The following C11orf16 variants were observed in gnomAD, a reference collection of about 807,000 sequenced individuals.
The protein encoded by C11orf16 is chromosome 11 open reading frame 16, also known as uncharacterized protein C11orf16.
A neutral mutation model predicts 45.1 loss-of-function variants in C11orf16; 38 were observed. That is an observed-to-expected ratio of 0.84 (90% CI 0.65 to 1.10). The LOEUF (loss-of-function observed/expected upper bound fraction) is 1.10, where lower values mean the gene tolerates loss of function less well. Ranked by LOEUF, C11orf16 falls within the 50% of genes least tolerant of loss-of-function variation. The pLI is 0.00. For synonymous variants in C11orf16, 221 were observed against 222.0 expected (o/e 1.00, Z 0.04); for missense variants, 583 against 569.5 (o/e 1.02, Z -0.24).
At chr11:8,929,025 A>T in intron 3 of C11orf16, 1 of 229,180 alleles carries the variant, frequency 4.4e-6, no homozygotes, top group Non-Finnish European at 8.6e-6. Flanking sequence ...AAGCTGAGGA[A>T]CACCAAAGCC....
chr11:8,922,080 G>A (rs72852732), intron 5 of C11orf16, among the ~76,000 whole-genome samples: 60 of 152,348 alleles, frequency 3.9e-4, no homozygotes, highest in Non-Finnish European at 7.1e-4. Flanking sequence ...GAAGTTATTG[G>A]ATGTGTCTTC....
Position 8,920,419 on chromosome 11 carries a change from C to T in C11orf16, c.*54G>A, listed in dbSNP as rs115543642. 777 of 681,946 alleles carry T rather than the reference C, an allele frequency of 1.1e-3. 6 individuals carry two copies. In the African/African-American group the frequency reaches 0.013, roughly 11 times the overall value. The allele number at this position is 681,946 out of a possible 1,614,324, so 42.2% of individuals were successfully genotyped here. A position where few individuals can be genotyped will look rare whatever the true frequency, so the allele number is the denominator to read the frequency against. On this transcript the variant is annotated 3_prime_UTR_variant, in exon 7 of 7. Coordinates refer to ENST00000326053, the MANE Select transcript of C11orf16 (RefSeq NM_020643.3). ...GCCTTGTCAGCCACTCTGTATAACT[C>T]TCCTCGAATATTTACCATGTTTATT...
chr11:8,932,443 C>T (rs147626465), intron 1 of C11orf16, 117 bp from the exon 2 acceptor site: 42 of 758,304 alleles, frequency 5.5e-5, no homozygotes, highest in Admixed American at 4.6e-4. Flanking sequence ...AGTCCATGCA[C>T]GGCCCTACCT....
rs1486333046 is a variant in C11orf16 at position 8,932,217 on chromosome 11, G to A, written c.92C>T (p.Pro31Leu). ...LKAPGWDGAA[P>L]PWDLSFTYPF... ...GTAGGTGAAGGAGAGGTCCCAAGGTGGAGCAGCACCGTCCCAGCCAGGGGC... is the reference window on the plus strand; with the variant it reads ...GTAGGTGAAGGAGAGGTCCCAAGGTAGAGCAGCACCGTCCCAGCCAGGGGC... Residue 31 changes from proline to leucine, a missense_variant, in exon 2 of 7, where the codon CCA (proline) becomes CTA (leucine). By Grantham distance (98) the Pro-to-Leu change is moderately conservative (BLOSUM62 -3). Transcript: ENST00000326053. The A allele has an allele frequency of 6.2e-7, 1 of 1,603,602 alleles. No homozygotes were observed. The highest frequency in any genetic ancestry group is 8.5e-7 in the Non-Finnish European group (1 of 1,175,332).
chr11:8,930,202 G>A (rs1205654023), intron 2 of C11orf16, among the ~76,000 whole-genome samples: 1 of 152,036 alleles, frequency 6.6e-6, no homozygotes, highest in East Asian at 1.9e-4. Flanking sequence ...GCCGAGATGG[G>A]CGGATCACGA....
intron 5 of C11orf16, among the ~76,000 whole-genome samples, chr11:8,924,056 T>A (rs2568078): frequency 1.1e-4 from 16 of 151,864 alleles, no homozygotes; most frequent in Non-Finnish European, 2.1e-4. Flanking sequence ...GCTGGGCCTA[T>A]GAGAGATAGG....
At chr11:8,925,059 A>G (rs2064600587) in intron 5 of C11orf16, among the ~76,000 whole-genome samples, 1 of 152,196 alleles carries the variant, frequency 6.6e-6, no homozygotes, top group Non-Finnish European at 1.5e-5. Flanking sequence ...ACCAGTTTCT[A>G]TGCTTCAGTG....
Position 8,926,013 on chromosome 11 carries a change from C to T in C11orf16, c.654G>A (p.Trp218Ter). The change falls in exon 5 of 7, where the codon TGG becomes TGA. Residue 218 changes from tryptophan (W) to a stop codon, truncating the protein, a stop_gained. Transcript: ENST00000326053. LOFTEE classifies it high-confidence loss of function. ...TGTGCAGCCTCTCCACAGCCTTCTT[C>T]CAGATGGTCAGGGACACCGACTGGA... ...GGVQSVSLTI[W>*]KKAVERLHKS... 6.2e-7 allele frequency: 1 copy of T among 1,614,152 alleles called. No individual in the cohort carries two copies. Among genetic ancestry groups the T allele is most frequent in the South Asian group, 1.1e-5 (1 of 91,076 alleles).
chr11:8,927,304 A>G (rs2064621359), intron 3 of C11orf16, 130 bp from the exon 4 acceptor site: 2 of 682,170 alleles, frequency 2.9e-6, no homozygotes, highest in Non-Finnish European at 5.0e-6. Flanking sequence ...GCACCTAAAG[A>G]AGGGACAGGG....
chr11:8,929,989 G>A (rs1371685723), intron 2 of C11orf16, among the ~76,000 whole-genome samples: 2 of 152,064 alleles, frequency 1.3e-5, no homozygotes, highest in African/African-American at 4.8e-5. Flanking sequence ...GTGTGGTGGT[G>A]TGAGCCTGTG....
At chr11:8,928,798 GC>G (rs1413784176) in intron 3 of C11orf16, 2 of 152,612 alleles carry the variant, frequency 1.3e-5, no homozygotes, top group African/African-American at 2.4e-5. Context: ...AACATGCCTT[GC>G]CCCCTGCCAA....
Position 8,930,424 on chromosome 11 carries a change from C to CA in C11orf16, c.168-892dup, listed in dbSNP as rs11303185. Among the ~76,000 whole-genome samples the CA allele has an allele frequency of 1.2e-3, 71 of 58,396 alleles. 1 individual carries two copies. Among genetic ancestry groups the CA allele is most frequent in the African/African-American group, 3.6e-3 (51 of 14,090 alleles). The allele number at this position is 58,396 out of a possible 152,430, so 38.3% of individuals were successfully genotyped here. On this transcript the variant is annotated intron_variant, in intron 2 of 6. Transcript: ENST00000326053. ...CTGGTGACAGAGCGAGACTCTGTCTCAAAAAAAAAAAAAAAAAAAAAAAAA... is the reference window on the plus strand; with the variant it reads ...CTGGTGACAGAGCGAGACTCTGTCTCAAAAAAAAAAAAAAAAAAAAAAAAAA...
intron 5 of C11orf16, among the ~76,000 whole-genome samples, chr11:8,924,461 G>A (rs908704983): frequency 6.6e-6 from 1 of 152,164 alleles, no homozygotes; most frequent in Non-Finnish European, 1.5e-5. Context: ...GGGAGGCAGA[G>A]GTTGCAGTGA....
chr11:8,927,161 C>G lies in C11orf16; in HGVS notation c.338G>C (p.Gly113Ala), dbSNP rs142981797. 7.4e-6 allele frequency: 12 copies of G among 1,613,372 alleles called. No homozygotes were observed. In the African/African-American group the frequency reaches 1.3e-4, roughly 18 times the overall value. Residue 113 changes from glycine to alanine, a missense_variant, in exon 4 of 7, where the codon GGG becomes GCG. Coordinates refer to ENST00000326053, the MANE Select transcript of C11orf16 (RefSeq NM_020643.3). ...IKATPELERQ[G>A]VLLVEFEAPL... ...AGCCTCGAATTCCACAAGCAGGACC[C>G]CCTGTCTCTCCAGCTGTGGGAAAGA...
At chr11:8,921,567 A>G (rs759636515) in intron 5 of C11orf16, 52 bp from the exon 6 acceptor site, 2 of 1,492,612 alleles carry the variant, frequency 1.3e-6, no homozygotes, top group South Asian at 1.1e-5. Context: ...TTTTGATGGC[A>G]TAAGTAGAAC....
intron 1 of C11orf16, 128 bp downstream of exon 1, chr11:8,932,773 T>C (rs1278105488): frequency 6.5e-6 from 1 of 153,628 alleles, no homozygotes; most frequent in African/African-American, 2.4e-5. Flanking sequence ...CCATCCCCTT[T>C]CCAGCCCTGT....
chr11:8,927,152 A>G lies in C11orf16; in HGVS notation c.347T>C (p.Leu116Pro). 6.2e-7 allele frequency: 1 copy of G among 1,613,970 alleles called. No homozygotes were observed. Among genetic ancestry groups the G allele is most frequent in the South Asian group, 1.1e-5 (1 of 91,068 alleles). ...TPELERQGVL[L>P]VEFEAPLVAG... is the part of the protein sequence containing the mutation. ...GACAAGAGGAGCCTCGAATTCCACAAGCAGGACCCCCTGTCTCTCCAGCTG... is the reference window on the plus strand; with the variant it reads ...GACAAGAGGAGCCTCGAATTCCACAGGCAGGACCCCCTGTCTCTCCAGCTG... Residue 116 changes from leucine to proline, a missense_variant, in exon 4 of 7, where the codon CTT becomes CCT. Transcript: ENST00000326053.
In C11orf16 at chr11:8,925,543, G is replaced by A; in HGVS notation, c.1124C>T (p.Pro375Leu). The A allele has an allele frequency of 6.2e-7, 1 of 1,614,234 alleles. No homozygotes were observed. The highest frequency in any genetic ancestry group is 8.5e-7 in the Non-Finnish European group (1 of 1,180,042). Residue 375 changes from proline (P) to leucine (L), a missense_variant, in exon 5 of 7, where the codon CCT (proline) becomes CTT (leucine). Pro to Leu is a moderately conservative substitution (Grantham distance 98). Coordinates refer to ENST00000326053, the MANE Select transcript of C11orf16 (RefSeq NM_020643.3). ...CTGGCAGAGGCCACTCTGTCTCAGAGGCATCTCAAGAAAGATGGGATCTGT... is the reference window on the plus strand; with the variant it reads ...CTGGCAGAGGCCACTCTGTCTCAGAAGCATCTCAAGAAAGATGGGATCTGT... ...VNTDPIFLEM[P>L]LRQSGLCQPE...
chr11:8,926,189 T>TTTTTC, intron 4 of C11orf16, 82 bp from the exon 5 acceptor site: 1 of 1,019,930 alleles, frequency 9.8e-7, no homozygotes, highest in African/African-American at 1.8e-5. Flanking sequence ...TCTTTTCTTT[T>TTTTTC]TTTTTTTTTT....
Sources: allele counts gnomAD v4.1 joint callset (sites outside exome capture counted in the v4.1 genomes callset), GRCh38; gene constraint gnomAD v4.1.1; transcripts MANE v1.5; gene names NCBI Gene and HGNC (gene_info 2026-07-23, HGNC 2026-07-21).